LGALS9C: variants seen among roughly 807,000 people sequenced by gnomAD.
LGALS9C encodes the protein galectin 9C.
In LGALS9C, 7 loss-of-function variants were observed where a neutral mutation model predicts 41.3. The observed-to-expected ratio is 0.17, with a 90% CI of 0.10 to 0.32. The LOEUF is 0.32. Among genes scored for constraint, LGALS9C ranks in the 10% least tolerant of loss-of-function variants. LGALS9C has a pLI of 1.00. For missense variants in LGALS9C, 102 were observed against 455.2 expected, an observed-to-expected ratio of 0.22 and a Z score of 7.06; for synonymous variants, 44 against 171.0, an observed-to-expected ratio of 0.26 and a Z score of 5.80.
rs921283400 is a variant in LGALS9C at position 18,486,424 on chromosome 17, TCATTC to T, written c.333+296_333+300del. 6 of 313,136 alleles carry T rather than the reference TCATTC, an allele frequency of 1.9e-5. 1 individual carries two copies. Among genetic ancestry groups the T allele is most frequent in the African/African-American group, 1.5e-4 (6 of 38,960 alleles). The allele number at this position is 313,136 out of a possible 1,614,324, so 19.4% of individuals were successfully genotyped here. A position where few individuals can be genotyped will look rare whatever the true frequency, so the allele number is the denominator to read the frequency against. The stretch of plus-strand genomic sequence containing the variant: ...TGTTGTGTGTCTTTGAATTCCAAGC[TCATTC>T]CATTCCTCTGCTATCACCATACCTC... On this transcript the variant is annotated intron_variant, in intron 3 of 10. Transcript: ENST00000328114.
chr17:18,485,011 C>T (rs1480869322), intron 2 of LGALS9C, among the ~76,000 whole-genome samples: 11 of 127,022 alleles, frequency 8.7e-5, no homozygotes, highest in South Asian at 5.0e-4. Flanking sequence ...TCCTGTTGCA[C>T]GGAGACAGAT....
chr17:18,492,410 G>T (rs553013550), intron 8 of LGALS9C, 47 bp from the exon 9 acceptor site: 3 of 1,508,538 alleles, frequency 2.0e-6, no homozygotes, highest in Non-Finnish European at 2.7e-6. Flanking sequence ...TCCATGTGGC[G>T]GCTGCCCTGA....
chr17:18,494,545 G>A lies in LGALS9C; in HGVS notation c.*178G>A. ...CAGCCACCCTGGAATCGAGAAGGCA[G>A]CTGACTGGGATTGCCTTCCTCAGCC... On this transcript the variant is annotated 3_prime_UTR_variant, in exon 11 of 11. Coordinates refer to ENST00000328114, the MANE Select transcript of LGALS9C (RefSeq NM_001040078.3). The A allele has an allele frequency of 1.8e-6, 2 of 1,124,566 alleles. No individual in the cohort carries two copies. Among genetic ancestry groups the A allele is most frequent in the South Asian group, 3.2e-5 (2 of 61,774 alleles). 69.7% of individuals were successfully genotyped at this position (1,124,566 alleles called of 1,614,324 possible).
intron 2 of LGALS9C, 113 bp downstream of exon 2, chr17:18,484,079 G>A (rs371578857): frequency 4.0e-6 from 4 of 1,008,678 alleles, no homozygotes; most frequent in Non-Finnish European, 5.8e-6. Flanking sequence ...CGTGCCTGGC[G>A]CAGGGGAGAC....
intron 5 of LGALS9C, chr17:18,489,990 G>T (rs1385693224): frequency 1.7e-5 from 2 of 114,576 alleles, no homozygotes; most frequent in East Asian, 4.2e-4. Flanking sequence ...CGACAAGGAG[G>T]TGGGCAGCCC....
intron 7 of LGALS9C, 27 bp downstream of exon 7, chr17:18,491,350 A>T: frequency 6.8e-7 from 1 of 1,478,292 alleles, no homozygotes; most frequent in African/African-American, 1.5e-5. Context: ...TGATCAGTTC[A>T]CAGCTGCACA....
At chr17:18,480,222 A>C (rs1268464707) in intron 1 of LGALS9C, among the ~76,000 whole-genome samples, 12 of 125,864 alleles carry the variant, frequency 9.5e-5, no homozygotes, top group African/African-American at 2.1e-4. Context: ...AAAAAAAAAA[A>C]AAAACACAAC....
intron 10 of LGALS9C, among the ~76,000 whole-genome samples, chr17:18,493,821 G>T (rs1163190544): frequency 1.4e-5 from 2 of 145,180 alleles, no homozygotes; most frequent in Non-Finnish European, 3.1e-5. Context: ...CATGGCATGT[G>T]TGTTAGGAGT....
chr17:18,485,452 C>T (rs1287544539), intron 2 of LGALS9C, among the ~76,000 whole-genome samples: 1 of 75,830 alleles, frequency 1.3e-5, no homozygotes, highest in Non-Finnish European at 3.4e-5. Context: ...ATCCACCCAC[C>T]TTGGCGTCCC....
intron 1 of LGALS9C, among the ~76,000 whole-genome samples, chr17:18,482,150 G>A (rs1167823579): frequency 2.1e-5 from 3 of 141,344 alleles, no homozygotes; most frequent in Non-Finnish European, 4.8e-5. Context: ...GTGGGAATTT[G>A]GGGAGTTTCA....
chr17:18,484,604 G>GCT (rs1488479633), intron 2 of LGALS9C, among the ~76,000 whole-genome samples: 6 of 148,482 alleles, frequency 4.0e-5, no homozygotes, highest in Non-Finnish European at 1.5e-5. Flanking sequence ...GAGGTGTGCA[G>GCT]CTCTCTCCTG....
At chr17:18,479,436 A>G (rs1320701132) in intron 1 of LGALS9C, among the ~76,000 whole-genome samples, 1 of 129,570 alleles carries the variant, frequency 7.7e-6, no homozygotes, top group Non-Finnish European at 1.9e-5. Context: ...CCTCTCCAGA[A>G]TGCTGCCAGC....
At chr17:18,485,826 G>T (rs1265707774) in intron 2 of LGALS9C, 108 bp from the exon 3 acceptor site, 2 of 901,956 alleles carry the variant, frequency 2.2e-6, no homozygotes, top group Non-Finnish European at 1.7e-6. Context: ...CACGCAGGTT[G>T]TATGCAAGAT....
rs1199451708 is a variant in LGALS9C, at chr17:18,488,863, C to T, written c.445-78C>T. On this transcript the variant is annotated intron_variant, in intron 4 of 10. Transcript: ENST00000328114. ...CTGCCTGCCTGTTCTCTGCCTCCTG[C>T]CCCTGCATCTGCCTTTCGGCTTCTC... The T allele has an allele frequency of 6.8e-6, 9 of 1,332,892 alleles. 1 individual carries two copies. The highest frequency in any genetic ancestry group is 5.8e-5 in the African/African-American group (4 of 69,552). 82.6% of individuals were successfully genotyped at this position (1,332,892 alleles called of 1,614,324 possible).
intron 1 of LGALS9C, among the ~76,000 whole-genome samples, chr17:18,482,757 G>C (rs1989442847): frequency 7.5e-6 from 1 of 133,566 alleles, no homozygotes; most frequent in Admixed American, 7.4e-5. Flanking sequence ...AGATATTAGA[G>C]AAGACATTAA....
At chr17:18,488,779 G>A (rs1476721617) in intron 4 of LGALS9C, among the ~76,000 whole-genome samples, 162 bp from the exon 5 acceptor site, 8 of 135,946 alleles carry the variant, frequency 5.9e-5, no homozygotes, top group Admixed American at 2.2e-4. Context: ...GCTGCTCACC[G>A]AAGCCTGGCC....
At position 18,487,681 on chromosome 17, in the gene LGALS9C, T is replaced by A; in HGVS notation, c.368T>A (p.Phe123Tyr). ...MVNGSLFVQY[F>Y]HRVPFHRVDT... is the part of the protein sequence containing the mutation. ...AACGGGAGCCTCTTCGTGCAGTACTTCCACCGCGTGCCCTTCCACCGTGTG... is the reference window on the plus strand; with the variant it reads ...AACGGGAGCCTCTTCGTGCAGTACTACCACCGCGTGCCCTTCCACCGTGTG... The change falls in exon 4 of 11, where the codon TTC (phenylalanine) becomes TAC (tyrosine). Residue 123 changes from phenylalanine (F) to tyrosine (Y), a missense_variant. Phe to Tyr is a conservative substitution (Grantham distance 22, BLOSUM62 3). Coordinates refer to ENST00000328114, the MANE Select transcript of LGALS9C (RefSeq NM_001040078.3). 6.5e-7 allele frequency: 1 copy of A among 1,535,148 alleles called. No individual in the cohort carries two copies. The highest frequency in any genetic ancestry group is 2.3e-5 in the East Asian group (1 of 44,068).
intron 5 of LGALS9C, chr17:18,489,763 T>C (rs2151670854): frequency 1.1e-5 from 1 of 87,280 alleles, no homozygotes; most frequent in East Asian, 2.2e-4. Context: ...CAGCACCCCA[T>C]TGTAACTGTT....
Position 18,491,281 on chromosome 17 carries a change from A to C in LGALS9C, c.585A>C (p.Thr195=), listed in dbSNP as rs146638635. The C allele has an allele frequency of 7.5e-5, 112 of 1,486,010 alleles. 2 individuals are homozygous for C. The highest frequency in any genetic ancestry group is 1.6e-5 in the Non-Finnish European group (17 of 1,082,990). The allele number at this position is 1,486,010 out of a possible 1,614,324, so 92.1% of individuals were successfully genotyped here. Residue 195 remains threonine, a synonymous_variant, in exon 7 of 11, where the codon ACA becomes ACC. Coordinates refer to ENST00000328114, the MANE Select transcript of LGALS9C (RefSeq NM_001040078.3). ...RPANPAPITQ[T]VIHTVQSASG... ...TGGTTTCTTTCTTCCAGACCCAGAC[A>C]GTCATCCACACGGTGCAGAGTGCCT... is the stretch of plus-strand genomic sequence containing the variant.
Sources: gnomAD v4.1 joint callset for allele counts (sites outside exome capture counted in the v4.1 genomes callset) on GRCh38, gnomAD v4.1.1 for gene constraint, MANE v1.5 for transcripts, NCBI Gene and HGNC (gene_info 2026-07-23, HGNC 2026-07-21) for gene names.